NLRP5: variants seen among roughly 807,000 people sequenced by gnomAD.
NLRP5 encodes NACHT, LRR and PYD domains-containing protein 5.
NLRP5 carries 93 observed loss-of-function variants against 113.1 expected under a neutral mutation model. The ratio of observed to expected loss-of-function variants is 0.82; its 90% CI spans 0.70 to 0.98. The LOEUF is 0.98. Ranked by LOEUF, NLRP5 falls within the 50% of genes least tolerant of loss-of-function variation. The pLI is 0.00. For synonymous variants in NLRP5, 751 were observed against 600.7 expected, an observed-to-expected ratio of 1.25 and a Z score of -3.66; for missense variants, 1,808 against 1,514.3, an observed-to-expected ratio of 1.19 and a Z score of -3.22.
chr19:56,019,178 C>A, intron 4 of NLRP5, 164 bp from the exon 5 acceptor site: 1 of 708,832 alleles, frequency 1.4e-6, no homozygotes, highest in Non-Finnish European at 2.4e-6. Flanking sequence ...TGAATTAGTG[C>A]TCATTGTACC....
chr19:55,987,943 A>C, the NLRP5 span: 1 of 1,524,136 alleles, frequency 6.6e-7, no homozygotes, highest in Non-Finnish European at 9.1e-7. Flanking sequence ...CTGGGGCTTG[A>C]TTGATCAGTT....
the NLRP5 span, chr19:55,988,425 AATATATATATGTGTGTGTGTATAT>A: frequency 1.2e-5 from 1 of 85,104 alleles, no homozygotes; most frequent in African/African-American, 5.7e-5. Context: ...TATACACATA[AATATATATATGTGTGTGTGTATAT>A]ATATATATAT....
chr19:55,994,437 C>T, the NLRP5 span, among the ~76,000 whole-genome samples: 3 of 152,088 alleles, frequency 2.0e-5, no homozygotes, highest in African/African-American at 4.8e-5. Flanking sequence ...CTTGTTCTGT[C>T]ACCAGGCTGG....
intron 1 of NLRP5, among the ~76,000 whole-genome samples, chr19:56,001,911 G>C (rs141882155): frequency 0.017 from 2,622 of 152,262 alleles, 59 homozygotes; most frequent in East Asian, 0.064. Context: ...TGGGGGGAAA[G>C]GAGATTTGCT....
chr19:56,042,349 T>C (rs890745546), intron 11 of NLRP5, among the ~76,000 whole-genome samples: 1 of 151,486 alleles, frequency 6.6e-6, no homozygotes, highest in African/African-American at 2.4e-5. Context: ...GTAAGTTCTT[T>C]TCTTGTTGTG....
chr19:56,057,665 T>C (rs527549309), intron 13 of NLRP5, among the ~76,000 whole-genome samples: 2 of 152,280 alleles, frequency 1.3e-5, no homozygotes, highest in South Asian at 4.1e-4. Context: ...CAACTATAAT[T>C]TGAGTTACCC....
chr19:56,009,051 G>A (rs755251858), intron 3 of NLRP5, among the ~76,000 whole-genome samples, 198 bp downstream of exon 3: 6 of 151,996 alleles, frequency 3.9e-5, no homozygotes, highest in Non-Finnish European at 5.9e-5. Flanking sequence ...GAGTTCTGTG[G>A]CCTGGGGCCA....
chr19:56,038,931 C>A (rs1289462959), intron 10 of NLRP5, among the ~76,000 whole-genome samples: 1 of 152,210 alleles, frequency 6.6e-6, no homozygotes, highest in Non-Finnish European at 1.5e-5. Flanking sequence ...CCGTCTTGGC[C>A]TCCTGAAGTT....
chr19:56,033,286 A>C (rs531625065), intron 8 of NLRP5, among the ~76,000 whole-genome samples: 21 of 152,254 alleles, frequency 1.4e-4, no homozygotes, highest in African/African-American at 5.1e-4. Context: ...TGCTGATGTT[A>C]CTGAAGCAGG....
chr19:55,997,983 G>A (rs1266307545), upstream of NLRP5, among the ~76,000 whole-genome samples: 2 of 152,164 alleles, frequency 1.3e-5, no homozygotes, highest in Non-Finnish European at 2.9e-5. Context: ...AAGGTAGGGA[G>A]CAGGAAGTAC....
upstream of NLRP5, among the ~76,000 whole-genome samples, chr19:55,994,975 C>T (rs116844637): frequency 9.9e-3 from 1,502 of 152,224 alleles, 49 homozygotes; most frequent in East Asian, 0.061. Flanking sequence ...ATCCCGTTTT[C>T]GCAGTACCAC....
At chr19:56,039,262 G>A (rs1018876778) in intron 10 of NLRP5, among the ~76,000 whole-genome samples, 17 of 152,198 alleles carry the variant, frequency 1.1e-4, no homozygotes, top group Non-Finnish European at 2.1e-4. Flanking sequence ...GCCACCCAGC[G>A]TGGCAGCCAT....
At chr19:55,994,976 G>A (rs185960643), upstream of NLRP5, among the ~76,000 whole-genome samples, 18 of 152,196 alleles carry the variant, frequency 1.2e-4, 1 homozygote, top group East Asian at 5.8e-4. Flanking sequence ...TCCCGTTTTC[G>A]CAGTACCACC....
intron 11 of NLRP5, among the ~76,000 whole-genome samples, chr19:56,042,560 G>T (rs1323222542): frequency 1.3e-5 from 2 of 151,750 alleles, no homozygotes; most frequent in Non-Finnish European, 2.9e-5. Context: ...TGTTGTCTAG[G>T]CTTGTCTTGA....
intron 4 of NLRP5, among the ~76,000 whole-genome samples, chr19:56,018,247 TATA>T (rs747856858): frequency 4.6e-5 from 7 of 152,234 alleles, no homozygotes; most frequent in Non-Finnish European, 1.0e-4. Context: ...TTAAAAAATC[TATA>T]ATTTTTCTCT....
intron 11 of NLRP5, among the ~76,000 whole-genome samples, chr19:56,041,405 G>T (rs1008685747): frequency 6.6e-6 from 1 of 152,128 alleles, no homozygotes; most frequent in Admixed American, 6.5e-5. Context: ...CCCTGGGAGA[G>T]GTACAGGGTT....
At chr19:56,004,214 T>C (rs1294739321) in intron 2 of NLRP5, 119 bp downstream of exon 2, 16 of 1,075,416 alleles carry the variant, frequency 1.5e-5, no homozygotes, top group Non-Finnish European at 2.0e-5. Context: ...GAGTCTGAGC[T>C]GTGAGAAGGA....
chr19:55,999,297 C>G (rs906882469), upstream of NLRP5, among the ~76,000 whole-genome samples: 1 of 149,210 alleles, frequency 6.7e-6, no homozygotes, highest in Non-Finnish European at 1.5e-5. Flanking sequence ...TCACTGCAAC[C>G]TCTGCCTCCC....
chr19:56,026,994 A>C lies in NLRP5; in HGVS notation c.761A>C (p.Glu254Ala). 6.4e-7 allele frequency: 1 copy of C among 1,551,766 alleles called. No homozygotes were observed. Among genetic ancestry groups the C allele is most frequent in the South Asian group, 1.2e-5 (1 of 84,056 alleles). The change falls in exon 7 of 15, where the codon GAA becomes GCA. Residue 254 changes from glutamate (E) to alanine (A), a missense_variant. By Grantham distance (107) the Glu-to-Ala change is moderately radical. Transcript: ENST00000390649. ...GAGGAGGATGTACGTCGTAGTTTTG[A>C]AAACACTGCTGCTGACTGGCCGGAA...
Sources: gnomAD v4.1 joint callset for allele counts (sites outside exome capture counted in the v4.1 genomes callset) on GRCh38, gnomAD v4.1.1 for gene constraint, MANE v1.5 for transcripts, NCBI Gene and HGNC (gene_info 2026-07-23, HGNC 2026-07-21) for gene names.